The following ATP2B2 variants were observed in gnomAD, a reference collection of about 807,000 sequenced individuals.
ATP2B2 encodes ATPase plasma membrane Ca2+ transporting 2.
In ATP2B2, 15 loss-of-function variants were observed where a neutral mutation model predicts 120.0. The observed-to-expected ratio is 0.12, with a 90% CI of 0.08 to 0.19. The LOEUF (loss-of-function observed/expected upper bound fraction) is 0.19. ATP2B2 is among the 10% of genes least tolerant of loss of function. The pLI, the probability that ATP2B2 is intolerant of heterozygous loss-of-function variation, is 1.00. For missense variants in ATP2B2, 1,045 were observed against 1,719.8 expected (o/e 0.61, Z 6.94); for synonymous variants, 694 against 700.3 (o/e 0.99, Z 0.14).
intron 1 of ATP2B2, among the ~76,000 whole-genome samples, chr3:10,686,702 C>G (rs1433436946): frequency 1.3e-5 from 2 of 152,050 alleles, no homozygotes; most frequent in Non-Finnish European, 2.9e-5. Flanking sequence ...GTTCCAGGCA[C>G]TGTGCTAGGT....
rs760621220 is a variant in ATP2B2 at position 10,666,880 on chromosome 3, G to A, written c.-460+41035C>T. On this transcript the variant is annotated intron_variant, in intron 1 of 21. Coordinates refer to the ATP2B2 transcript ENST00000646379. ...TCTCTAGCCCTTTCAGGAACACAGT[G>A]TTCTGCCCCCACGACTCTCTGAGTT... Among the ~76,000 whole-genome samples, 8 of 152,212 alleles carry A rather than the reference G, an allele frequency of 5.3e-5. No homozygotes were observed. In the East Asian group the frequency reaches 1.5e-3, roughly 29 times the overall value.
chr3:10,342,100 C>A lies in ATP2B2; in HGVS notation c.2917+652G>T, dbSNP rs1039100860. 6.6e-6 allele frequency among the ~76,000 whole-genome samples: 1 copy of A among 152,174 alleles called. No individual in the cohort carries two copies. The stretch of plus-strand genomic sequence containing the variant: ...GGATAGGCTTTGTTGGGATTGCCTC[C>A]GAAGCATCTGTGGAAACCAGGCCAG... On this transcript the variant is annotated intron_variant, in intron 19 of 22. Transcript: ENST00000360273. The surrounding 1 kb of genome is among the most constrained non-coding windows in gnomAD (Gnocchi z 4.4).
intron 2 of ATP2B2, among the ~76,000 whole-genome samples, chr3:10,605,761 G>C (rs1205155007): frequency 1.3e-5 from 2 of 151,714 alleles, no homozygotes; most frequent in Non-Finnish European, 2.9e-5. Context: ...TGATTCTCCT[G>C]CCTCAGCCTC....
Position 10,402,191 on chromosome 3 carries a change from G to A in ATP2B2, c.555C>T (p.Arg185=). 6.2e-7 allele frequency: 1 copy of A among 1,614,220 alleles called. No homozygotes were observed. Among genetic ancestry groups the A allele is most frequent in the Non-Finnish European group, 8.5e-7 (1 of 1,180,044 alleles). The change falls in exon 4 of 23, where the codon CGC becomes CGT. Residue 185 remains arginine, a synonymous_variant. Transcript: ENST00000360273. The surrounding 1 kb of genome is among the most constrained non-coding windows in gnomAD (Gnocchi z 4.9). ...KEKQFRGLQS[R]IEQEQKFTVV... is the part of the protein sequence containing the mutation. ...CGGTAAATTTCTGTTCCTGCTCGAT[G>A]CGGCTCTGCAGGCCCCGGAACTGTT...
intron 1 of ATP2B2, among the ~76,000 whole-genome samples, chr3:10,658,192 TCTC>T (rs1255687245): frequency 6.6e-6 from 1 of 152,154 alleles, no homozygotes; most frequent in African/African-American, 2.4e-5. Flanking sequence ...GAGCACCTCT[TCTC>T]CTCCAAAGGA....
intron 2 of ATP2B2, among the ~76,000 whole-genome samples, chr3:10,613,490 G>C (rs972299005): frequency 1.3e-5 from 2 of 152,056 alleles, no homozygotes; most frequent in Admixed American, 1.3e-4. Context: ...AACTTGTGGG[G>C]TCTGCATTAG....
chr3:10,444,468 TGCTCTCTCGTCCTCCCTCAGCCCC>T (rs1478261438), intron 2 of ATP2B2, among the ~76,000 whole-genome samples: 1 of 152,208 alleles, frequency 6.6e-6, no homozygotes, highest in South Asian at 2.1e-4. Flanking sequence ...TCCCATGATC[TGCTCTCTCGTCCTCCCTCAGCCCC>T]GCTCTCTCCT....
intron 2 of ATP2B2, among the ~76,000 whole-genome samples, chr3:10,598,833 G>A (rs534500030): frequency 6.6e-6 from 1 of 152,242 alleles, no homozygotes; most frequent in African/African-American, 2.4e-5. Flanking sequence ...ACTGAGCAGG[G>A]TTGATGACCT....
At chr3:10,504,274 C>G (rs527613525) in intron 1 of ATP2B2, among the ~76,000 whole-genome samples, 3 of 152,292 alleles carry the variant, frequency 2.0e-5, no homozygotes, top group African/African-American at 7.2e-5. Flanking sequence ...AAGCCCCCTC[C>G]TACTGCACAC....
chr3:10,385,843 C>T (rs1300934610), intron 7 of ATP2B2, among the ~76,000 whole-genome samples: 2 of 152,216 alleles, frequency 1.3e-5, no homozygotes, highest in Non-Finnish European at 2.9e-5. Flanking sequence ...TGGATTCATG[C>T]CCTTGATTCA....
chr3:10,624,900 G>A (rs1378078254), intron 1 of ATP2B2, among the ~76,000 whole-genome samples: 1 of 152,196 alleles, frequency 6.6e-6, no homozygotes, highest in Non-Finnish European at 1.5e-5. Context: ...ATGTGGGGGT[G>A]GGGGCTTGGT....
chr3:10,337,330 G>A lies in ATP2B2; in HGVS notation c.3420+846C>T, dbSNP rs142078343. On this transcript the variant is annotated intron_variant, in intron 22 of 22. Coordinates refer to ENST00000360273, the MANE Select transcript of ATP2B2 (RefSeq NM_001001331.4). ...GGTGGCTGCTTCTACACTGCACTTC[G>A]CCCAAGCATGCTGGGGCATGGAGGA... Among the ~76,000 whole-genome samples, 365 of 152,240 alleles carry A rather than the reference G, an allele frequency of 2.4e-3. 2 individuals carry two copies. The highest frequency in any genetic ancestry group is 8.2e-3 in the African/African-American group (342 of 41,530).
At chr3:10,462,454 C>G (rs2064532783) in intron 1 of ATP2B2, among the ~76,000 whole-genome samples, 2 of 152,226 alleles carry the variant, frequency 1.3e-5, no homozygotes. Context: ...GGCTCTCTAG[C>G]CTTACATCCT....
In ATP2B2 at chr3:10,692,686, G is replaced by A. The variant is rs570147630; in HGVS notation, c.-460+15229C>T. ...CCCGGCCTCCCCAGGGCAACACTGG[G>A]TAGACCTTATGCCTGCTTCCCTGTC... On this transcript the variant is annotated intron_variant, in intron 1 of 21. Transcript: ENST00000646379. 9.8e-5 allele frequency among the ~76,000 whole-genome samples: 15 copies of A among 152,330 alleles called. No homozygotes were observed. In the East Asian group the frequency reaches 2.9e-3, roughly 29 times the overall value.
chr3:10,667,258 G>C (rs981955047), intron 1 of ATP2B2, among the ~76,000 whole-genome samples: 1 of 152,236 alleles, frequency 6.6e-6, no homozygotes, highest in Non-Finnish European at 1.5e-5. Context: ...AACTGAGGCA[G>C]AGAGGTAATG....
At chr3:10,344,430 G>A (rs1391190292) in intron 18 of ATP2B2, among the ~76,000 whole-genome samples, 7 of 152,230 alleles carry the variant, frequency 4.6e-5, no homozygotes, top group Admixed American at 6.5e-5. Flanking sequence ...TGGGGTAGCC[G>A]GAGCTGCCAC....
chr3:10,526,862 T>A (rs1375534156), intron 3 of ATP2B2, among the ~76,000 whole-genome samples: 1 of 152,080 alleles, frequency 6.6e-6, no homozygotes, highest in African/African-American at 2.4e-5. Flanking sequence ...ATGATGATAG[T>A]GATGATGGTG....
At chr3:10,474,346 G>A (rs1445392910) in intron 1 of ATP2B2, among the ~76,000 whole-genome samples, 1 of 152,208 alleles carries the variant, frequency 6.6e-6, no homozygotes, top group African/African-American at 2.4e-5. Context: ...TGGGCAGTTG[G>A]ATGCATGAGT....
intron 3 of ATP2B2, among the ~76,000 whole-genome samples, chr3:10,408,131 C>A (rs1288908861): frequency 6.6e-6 from 1 of 152,216 alleles, no homozygotes; most frequent in African/African-American, 2.4e-5. Context: ...TGTTGGGGAT[C>A]TTTGACCGAA....
Sources: allele counts gnomAD v4.1 joint callset (sites outside exome capture counted in the v4.1 genomes callset), GRCh38; gene constraint gnomAD v4.1.1; non-coding constraint Gnocchi (gnomAD v3.1); transcripts MANE v1.5; gene names NCBI Gene and HGNC (gene_info 2026-07-23, HGNC 2026-07-21).